Variants in GPC5 observed in about 807,000 individuals in gnomAD.
GPC5 encodes the protein glypican 5.
GPC5 carries 47 observed loss-of-function variants against 53.9 expected under a neutral mutation model. The observed-to-expected ratio is 0.87, with a 90% CI of 0.69 to 1.11. The LOEUF is 1.11. Among genes scored for constraint, GPC5 ranks in the 50% most tolerant of loss-of-function variants. GPC5 has a pLI of 0.00. For synonymous variants in GPC5, 286 were observed against 263.3 expected (o/e 1.09, Z -0.84); for missense variants, 748 against 713.1 (o/e 1.05, Z -0.56).
In GPC5 at chr13:91,437,880, A is replaced by G. The variant is rs553215768; in HGVS notation, c.164-10881A>G. ...TTTCTTTTTATTCTTTTTTCTCTAA[A>G]CTTCCCTTCCCTTCTCGCTTCATTT... is the stretch of plus-strand genomic sequence containing the variant. On this transcript the variant is annotated intron_variant, in intron 1 of 7. Transcript: ENST00000377067. 4.0e-5 allele frequency among the ~76,000 whole-genome samples: 6 copies of G among 151,440 alleles called. No individual in the cohort carries two copies. The South Asian group carries it at 1.3e-3, about 32-fold the overall frequency.
intron 7 of GPC5, among the ~76,000 whole-genome samples, chr13:92,305,892 C>A (rs369953177): frequency 3.9e-5 from 6 of 152,156 alleles, no homozygotes; most frequent in African/African-American, 1.4e-4. Flanking sequence ...AGGGGAATAG[C>A]TTTTAGGGTG....
At chr13:92,120,845 G>T (rs550983960) in intron 6 of GPC5, among the ~76,000 whole-genome samples, 36 of 152,234 alleles carry the variant, frequency 2.4e-4, no homozygotes, top group Non-Finnish European at 4.6e-4. Flanking sequence ...TCCAGATTAT[G>T]TAAATATCAA....
intron 5 of GPC5, among the ~76,000 whole-genome samples, chr13:91,881,564 A>G (rs2039263966): frequency 1.3e-5 from 2 of 152,220 alleles, no homozygotes; most frequent in East Asian, 1.9e-4. Flanking sequence ...TTTTTTCTGA[A>G]TGTGCATTTA....
chr13:91,571,752 CAT>C (rs1379051476), intron 2 of GPC5, among the ~76,000 whole-genome samples: 2 of 142,024 alleles, frequency 1.4e-5, no homozygotes, highest in African/African-American at 5.3e-5. Context: ...TATATACACA[CAT>C]ATACATGTGT....
At chr13:91,661,556 A>G (rs768053132) in intron 2 of GPC5, among the ~76,000 whole-genome samples, 1 of 152,198 alleles carries the variant, frequency 6.6e-6, no homozygotes, top group Non-Finnish European at 1.5e-5. Flanking sequence ...TTATGTGATA[A>G]GTACTGTGGG....
At chr13:92,272,312 T>C (rs1376274702) in intron 7 of GPC5, among the ~76,000 whole-genome samples, 4 of 152,104 alleles carry the variant, frequency 2.6e-5, no homozygotes, top group Non-Finnish European at 5.9e-5. Context: ...ATAGAACACA[T>C]AGGCTGTCTG....
intron 5 of GPC5, 94 bp from the exon 6 acceptor site, chr13:91,907,843 G>A: frequency 1.5e-6 from 2 of 1,301,846 alleles, no homozygotes; most frequent in Non-Finnish European, 2.1e-6. Flanking sequence ...ATTCTCTAAA[G>A]GAGGAAATTC....
chr13:92,847,649 C>G (rs1878656742), intron 7 of GPC5, among the ~76,000 whole-genome samples: 2 of 151,828 alleles, frequency 1.3e-5, no homozygotes, highest in African/African-American at 4.8e-5. Flanking sequence ...TAATAAATTA[C>G]CCAGTCTCAG....
chr13:91,709,936 T>C (rs1241748048), intron 3 of GPC5, among the ~76,000 whole-genome samples: 1 of 152,224 alleles, frequency 6.6e-6, no homozygotes, highest in Admixed American at 6.5e-5. Context: ...CATAGCATGG[T>C]GTAAAGTTCC....
At chr13:92,583,053 C>A (rs1594321901) in intron 7 of GPC5, among the ~76,000 whole-genome samples, 1 of 149,412 alleles carries the variant, frequency 6.7e-6, no homozygotes, top group East Asian at 1.9e-4. Context: ...GAGTGGACAT[C>A]CTTGTCTTGT....
intron 7 of GPC5, among the ~76,000 whole-genome samples, chr13:92,567,406 C>T (rs1399981554): frequency 6.6e-6 from 1 of 151,980 alleles, no homozygotes; most frequent in African/African-American, 2.4e-5. Context: ...CAGAATAATG[C>T]CTCCTCCCCA....
intron 6 of GPC5, among the ~76,000 whole-genome samples, chr13:92,096,204 A>G (rs1363431491): frequency 1.3e-5 from 2 of 151,974 alleles, no homozygotes; most frequent in Admixed American, 1.3e-4. Flanking sequence ...TATAGTTTTT[A>G]TTTCTTCCCC....
intron 7 of GPC5, among the ~76,000 whole-genome samples, chr13:92,173,737 C>T (rs1435686727): frequency 6.6e-6 from 1 of 152,206 alleles, no homozygotes. Context: ...TCTCCCCTTA[C>T]TAAGACCCTT....
At chr13:92,213,288 C>T (rs761590135) in intron 7 of GPC5, among the ~76,000 whole-genome samples, 3 of 152,088 alleles carry the variant, frequency 2.0e-5, no homozygotes, top group Non-Finnish European at 4.4e-5. Context: ...TTCCATCCTC[C>T]CGGAGCTTAC....
chr13:91,626,713 A>G (rs568913019), intron 2 of GPC5, among the ~76,000 whole-genome samples: 6 of 152,100 alleles, frequency 3.9e-5, no homozygotes, highest in Non-Finnish European at 7.4e-5. Context: ...GTACATGTGC[A>G]CTACGTGCAG....
intron 3 of GPC5, among the ~76,000 whole-genome samples, chr13:91,699,080 T>C (rs2035942099): frequency 6.6e-6 from 1 of 152,168 alleles, no homozygotes; most frequent in Non-Finnish European, 1.5e-5. Context: ...CTAGAGAGGT[T>C]CAAACATGGA....
At chr13:92,510,070 TAGAAA>T (rs1270662745) in intron 7 of GPC5, 1 of 152,176 alleles carries the variant, frequency 6.6e-6, no homozygotes, top group Non-Finnish European at 1.5e-5. Context: ...AAGGGTTACT[TAGAAA>T]AGAAACCAAT....
chr13:92,154,357 G>C (rs1250395409), intron 7 of GPC5, among the ~76,000 whole-genome samples: 1 of 151,872 alleles, frequency 6.6e-6, no homozygotes, highest in Non-Finnish European at 1.5e-5. Flanking sequence ...CTTTCTATCA[G>C]GTTATTACTT....
At position 92,565,037 on chromosome 13, in the gene GPC5, A is replaced by G. The variant is rs117784987; in HGVS notation, c.1562-301245A>G. 1.7e-3 allele frequency among the ~76,000 whole-genome samples: 257 copies of G among 152,200 alleles called. 1 individual carries two copies. The East Asian group carries it at 0.024, about 14-fold the overall frequency. On this transcript the variant is annotated intron_variant, in intron 7 of 7. Coordinates refer to ENST00000377067, the MANE Select transcript of GPC5 (RefSeq NM_004466.6). Reference sequence around the variant, plus strand: ...CTTCTTGTATTCACTTTTAGGCAAGAAAACAGGACTCTTCTGGAAGGTAAA... The same window carrying G: ...CTTCTTGTATTCACTTTTAGGCAAGGAAACAGGACTCTTCTGGAAGGTAAA...
Sources: allele counts gnomAD v4.1 joint callset (sites outside exome capture counted in the v4.1 genomes callset), GRCh38; gene constraint gnomAD v4.1.1; transcripts MANE v1.5; gene names NCBI Gene and HGNC (gene_info 2026-07-23, HGNC 2026-07-21).